MAP3K20: variants seen among roughly 807,000 people sequenced by gnomAD.
MAP3K20 encodes the protein HCCS-4.
Under a neutral mutation model 85.7 loss-of-function variants are expected in MAP3K20, and 40 were observed. The ratio of observed to expected loss-of-function variants is 0.47; its 90% CI spans 0.36 to 0.61. The LOEUF (loss-of-function observed/expected upper bound fraction) is 0.61, where lower values mean the gene tolerates loss of function less well. MAP3K20 is among the 20% of genes least tolerant of loss of function. The pLI is 0.00. For missense variants in MAP3K20, 817 were observed against 961.7 expected (o/e 0.85, Z 1.99); for synonymous variants, 325 against 327.7 (o/e 0.99, Z 0.09).
chr2:173,129,844 G>A (rs1234516123), intron 2 of MAP3K20, among the ~76,000 whole-genome samples: 1 of 151,996 alleles, frequency 6.6e-6, no homozygotes, highest in African/African-American at 2.4e-5. Context: ...AAGAACTTGG[G>A]GCCAAACATA....
chr2:173,142,184 T>C (rs1574051697), intron 2 of MAP3K20, among the ~76,000 whole-genome samples: 2 of 152,250 alleles, frequency 1.3e-5, no homozygotes, highest in Middle Eastern at 6.8e-3. Context: ...TTAAAATATA[T>C]AACACATGGC....
rs184448776 is a variant in MAP3K20 at position 173,113,178 on chromosome 2, G to A, written c.159+21988G>A. Among the ~76,000 whole-genome samples, 379 of 152,138 alleles carry A rather than the reference G, an allele frequency of 2.5e-3. 3 individuals are homozygous for A. Among genetic ancestry groups the A allele is most frequent in the African/African-American group, 8.8e-3 (365 of 41,548 alleles). On this transcript the variant is annotated intron_variant, in intron 2 of 19. Transcript: ENST00000375213. Reference sequence around the variant, plus strand: ...ATCTATCTCTTTCTAGTTTACGTGAGTAAAGGTGTTCATAGTAGCCTTGAA... The same window carrying A: ...ATCTATCTCTTTCTAGTTTACGTGAATAAAGGTGTTCATAGTAGCCTTGAA...
chr2:173,176,042 G>A (rs1198942960), intron 3 of MAP3K20, among the ~76,000 whole-genome samples: 1 of 152,082 alleles, frequency 6.6e-6, no homozygotes, highest in Non-Finnish European at 1.5e-5. Context: ...AGAGGTTAGC[G>A]AGATATAGTG....
At chr2:173,108,545 T>C (rs1223667397) in intron 2 of MAP3K20, among the ~76,000 whole-genome samples, 1 of 152,236 alleles carries the variant, frequency 6.6e-6, no homozygotes, top group Non-Finnish European at 1.5e-5. Context: ...CTCATTATGA[T>C]TGCATCATAG....
At chr2:173,099,272 TC>T (rs1687557232) in intron 2 of MAP3K20, among the ~76,000 whole-genome samples, 4 of 147,148 alleles carry the variant, frequency 2.7e-5, no homozygotes, top group Admixed American at 1.4e-4. Flanking sequence ...CTTTTTTTTT[TC>T]TTCCTTCCTT....
intron 1 of MAP3K20, among the ~76,000 whole-genome samples, chr2:173,089,782 AGGCT>A (rs1687241901): frequency 6.6e-6 from 1 of 152,158 alleles, no homozygotes; most frequent in Non-Finnish European, 1.5e-5. Context: ...CATGTTGGCC[AGGCT>A]GGTCTCGAAC....
At chr2:173,264,127 T>G (rs114559920) in intron 19 of MAP3K20, among the ~76,000 whole-genome samples, 5,192 of 152,262 alleles carry the variant, frequency 0.034, 135 homozygotes, top group Middle Eastern at 0.068. Context: ...ATCCAGATGC[T>G]CAGGCCCAAA....
intron 2 of MAP3K20, among the ~76,000 whole-genome samples, chr2:173,135,049 G>A (rs1375718462): frequency 1.3e-5 from 2 of 152,072 alleles, no homozygotes; most frequent in Admixed American, 6.5e-5. Context: ...GTAAGTGTTC[G>A]ATACATTTTG....
intron 2 of MAP3K20, among the ~76,000 whole-genome samples, chr2:173,113,751 G>A (rs1440815742): frequency 1.3e-5 from 2 of 152,150 alleles, no homozygotes; most frequent in African/African-American, 4.8e-5. Flanking sequence ...TGTGGTCTGA[G>A]AGAGTGCTTG....
At position 173,170,419 on chromosome 2, in the gene MAP3K20, C is replaced by T. The variant is rs541088876; in HGVS notation, c.247+527C>T. ...CAGCAGTTTATAACTGACAGAAATA[C>T]GCTTTCTAAAAAGCAGCACATAGAA... On this transcript the variant is annotated intron_variant, in intron 3 of 19. Coordinates refer to ENST00000375213, the MANE Select transcript of MAP3K20 (RefSeq NM_016653.3). 2.4e-4 allele frequency among the ~76,000 whole-genome samples: 36 copies of T among 152,304 alleles called. 1 individual carries two copies. In the South Asian group the frequency reaches 7.0e-3, roughly 30 times the overall value.
chr2:173,263,624 T>G, intron 18 of MAP3K20, 121 bp from the exon 19 acceptor site: 1 of 963,204 alleles, frequency 1.0e-6, no homozygotes, highest in Non-Finnish European at 1.5e-6. Context: ...TTCTAAGAGG[T>G]GAAACTGAAG....
chr2:173,249,770 C>CT (rs1277550837), intron 16 of MAP3K20, among the ~76,000 whole-genome samples: 3 of 152,156 alleles, frequency 2.0e-5, no homozygotes, highest in African/African-American at 7.2e-5. Flanking sequence ...AGACCTAGTA[C>CT]TTTCCAATTT....
At chr2:173,245,577 C>T (rs911225709) in intron 16 of MAP3K20, among the ~76,000 whole-genome samples, 7 of 152,108 alleles carry the variant, frequency 4.6e-5, no homozygotes, top group African/African-American at 9.7e-5. Context: ...AATTAATAAG[C>T]GAAACAGGTT....
rs765226062 is a variant in MAP3K20 at position 173,203,845 on chromosome 2, A to C, written c.719A>C (p.His240Pro). ...CCCAGAAGTTTTGCTGAACTGTTAC[A>C]TCAGTGTTGGGAAGCTGATGCCAAG... ...SCPRSFAELL[H>P]QCWEADAKKR... The change falls in exon 9 of 20, where the codon CAT becomes CCT. Residue 240 changes from histidine to proline, a missense_variant. By Grantham distance (77) the His-to-Pro change is moderately conservative. Transcript: ENST00000375213. 4 of 1,613,948 alleles carry C rather than the reference A, an allele frequency of 2.5e-6. No homozygotes were observed. In the Admixed American group the frequency reaches 6.7e-5, roughly 27 times the overall value.
At chr2:173,075,705 G>C (rs1686826268), upstream of MAP3K20, 18 of 938,002 alleles carry the variant, frequency 1.9e-5, no homozygotes, top group Non-Finnish European at 2.0e-5. Flanking sequence ...GCCGGGGCGC[G>C]GGGCGGATGG....
chr2:173,116,237 A>G (rs573795820), intron 2 of MAP3K20, among the ~76,000 whole-genome samples: 16 of 152,352 alleles, frequency 1.1e-4, no homozygotes, highest in Admixed American at 6.5e-4. Flanking sequence ...CAAGCTATTT[A>G]ACGTATGCTT....
At chr2:173,109,908 A>T (rs1350278666) in intron 2 of MAP3K20, among the ~76,000 whole-genome samples, 3 of 151,974 alleles carry the variant, frequency 2.0e-5, no homozygotes, top group Admixed American at 6.6e-5. Flanking sequence ...GTAATTTTTT[A>T]AAAAATGAAA....
chr2:173,230,084 A>C (rs376775675), intron 12 of MAP3K20, among the ~76,000 whole-genome samples: 6 of 152,170 alleles, frequency 3.9e-5, no homozygotes, highest in Non-Finnish European at 5.9e-5. Context: ...TGCCCGCCTC[A>C]GCCTCCCAAA....
At chr2:173,184,966 G>C (rs903788044) in intron 4 of MAP3K20, among the ~76,000 whole-genome samples, 24 of 151,866 alleles carry the variant, frequency 1.6e-4, no homozygotes, top group South Asian at 6.2e-4. Context: ...GAGAGGCCAG[G>C]CACGGTGGCT....
Sources: gnomAD v4.1 joint callset for allele counts (sites outside exome capture counted in the v4.1 genomes callset) on GRCh38, gnomAD v4.1.1 for gene constraint, MANE v1.5 for transcripts, NCBI Gene and HGNC (gene_info 2026-07-23, HGNC 2026-07-21) for gene names.